Variants in ESR1 observed in about 807,000 individuals in gnomAD.
The protein encoded by ESR1 is estrogen receptor.
A neutral mutation model predicts 52.7 loss-of-function variants in ESR1; 12 were observed. The ratio of observed to expected loss-of-function variants is 0.23; its 90% CI spans 0.15 to 0.37. The LOEUF (loss-of-function observed/expected upper bound fraction) is 0.37. ESR1 is among the 10% of genes least tolerant of loss of function. The pLI, the probability that ESR1 is intolerant of heterozygous loss-of-function variation, is 1.00. For synonymous variants in ESR1, 305 were observed against 316.8 expected, an observed-to-expected ratio of 0.96 and a Z score of 0.39; for missense variants, 584 against 779.7, an observed-to-expected ratio of 0.75 and a Z score of 2.99.
intron 2 of ESR1, among the ~76,000 whole-genome samples, chr6:151,797,380 G>A (rs1776813139): frequency 6.6e-6 from 1 of 152,190 alleles, no homozygotes; most frequent in South Asian, 2.1e-4. Context: ...ATCACATTTT[G>A]CATGAAAGAA....
intron 6 of ESR1, among the ~76,000 whole-genome samples, chr6:152,087,010 T>C (rs1208530311): frequency 6.6e-6 from 1 of 152,230 alleles, no homozygotes; most frequent in Non-Finnish European, 1.5e-5. Context: ...AGTCAGTTCC[T>C]CTGTGCCATA....
At chr6:152,058,925 G>A (rs1213545238) in intron 5 of ESR1, among the ~76,000 whole-genome samples, 1 of 151,970 alleles carries the variant, frequency 6.6e-6, no homozygotes, top group African/African-American at 2.4e-5. Context: ...TTTGGAAAAT[G>A]GAAATAATAA....
chr6:152,105,888 C>T (rs1479388131), downstream of ESR1, among the ~76,000 whole-genome samples: 2 of 143,552 alleles, frequency 1.4e-5, no homozygotes, highest in Non-Finnish European at 1.5e-5. Flanking sequence ...CCCGGGTTCA[C>T]GCCATTCTCC....
intron 2 of ESR1, among the ~76,000 whole-genome samples, chr6:151,753,284 T>C (rs1265775909): frequency 3.3e-5 from 5 of 151,728 alleles, no homozygotes; most frequent in African/African-American, 1.2e-4. Flanking sequence ...TTTATGCAAA[T>C]AGGAAGTTAT....
At chr6:151,717,286 G>A (rs1394448076) in intron 2 of ESR1, among the ~76,000 whole-genome samples, 1 of 152,222 alleles carries the variant, frequency 6.6e-6, no homozygotes, top group Non-Finnish European at 1.5e-5. Flanking sequence ...GCTGCAGACT[G>A]GAGCTGTTCC....
At chr6:151,942,828 G>A (rs548796403) in intron 3 of ESR1, among the ~76,000 whole-genome samples, 3 of 152,162 alleles carry the variant, frequency 2.0e-5, no homozygotes, top group African/African-American at 7.2e-5. Flanking sequence ...TTATCAAAAC[G>A]ATTGCTTCCT....
chr6:151,940,170 G>A (rs927309965), intron 3 of ESR1, among the ~76,000 whole-genome samples: 2 of 152,064 alleles, frequency 1.3e-5, no homozygotes, highest in African/African-American at 2.4e-5. Context: ...TATATGCAAG[G>A]GAACTGCCCT....
rs957973892 is a variant in ESR1 at position 152,029,008 on chromosome 6, G to A, written c.1235+17214G>A. On this transcript the variant is annotated intron_variant, in intron 5 of 7. Coordinates refer to ENST00000206249, the MANE Select transcript of ESR1 (RefSeq NM_000125.4). ...CAATATCCGCTGTTCTGCAGCCTCCGCTGCTGATACCCAGGCAAACAGGGT... is the reference window on the plus strand; with the variant it reads ...CAATATCCGCTGTTCTGCAGCCTCCACTGCTGATACCCAGGCAAACAGGGT... 3.9e-5 allele frequency among the ~76,000 whole-genome samples: 6 copies of A among 152,304 alleles called. No individual in the cohort carries two copies. In the East Asian group the frequency reaches 7.7e-4, roughly 20 times the overall value.
At chr6:151,917,648 G>A (rs1192021055) in intron 3 of ESR1, among the ~76,000 whole-genome samples, 2 of 152,094 alleles carry the variant, frequency 1.3e-5, no homozygotes, top group African/African-American at 4.8e-5. Context: ...GATTTGACAT[G>A]CAGTTAAAGG....
chr6:151,776,389 T>G (rs1023378835), intron 2 of ESR1, among the ~76,000 whole-genome samples: 2 of 152,248 alleles, frequency 1.3e-5, no homozygotes, highest in Non-Finnish European at 2.9e-5. Flanking sequence ...GTCTGTTCTC[T>G]GCCCTTGGTG....
intron 4 of ESR1, among the ~76,000 whole-genome samples, chr6:151,944,951 C>T (rs1022766388): frequency 2.0e-5 from 3 of 152,254 alleles, no homozygotes; most frequent in South Asian, 2.1e-4. Context: ...TGTGGTGGCT[C>T]GTGCCTGTAA....
At chr6:152,023,003 A>G (rs2128824126) in intron 5 of ESR1, among the ~76,000 whole-genome samples, 1 of 151,936 alleles carries the variant, frequency 6.6e-6, no homozygotes, top group East Asian at 1.9e-4. Context: ...AGAGAAAAAG[A>G]AAAAGGATGG....
At chr6:151,824,222 G>A (rs1305794039) in intron 1 of ESR1, among the ~76,000 whole-genome samples, 4 of 151,996 alleles carry the variant, frequency 2.6e-5, no homozygotes, top group Admixed American at 1.3e-4. Context: ...CTGATGGCCA[G>A]TGATGATGAG....
intron 1 of ESR1, among the ~76,000 whole-genome samples, chr6:151,690,857 C>T (rs1200571482): frequency 6.6e-6 from 1 of 152,114 alleles, no homozygotes; most frequent in African/African-American, 2.4e-5. Flanking sequence ...GAAATCTAAA[C>T]TTGGTACAGT....
At chr6:151,850,038 ATATAATTT>A (rs1786145835) in intron 2 of ESR1, among the ~76,000 whole-genome samples, 1 of 112,810 alleles carries the variant, frequency 8.9e-6, no homozygotes, top group East Asian at 2.5e-4. Context: ...TTATATATAT[ATATAATTT>A]TATATATATA....
intron 5 of ESR1, among the ~76,000 whole-genome samples, chr6:152,035,855 C>G (rs534477750): frequency 6.6e-6 from 1 of 151,902 alleles, no homozygotes; most frequent in Non-Finnish European, 1.5e-5. Context: ...CAATTGATAT[C>G]TACATAGAAA....
chr6:152,097,401 G>GAAA (rs747488512), intron 7 of ESR1, among the ~76,000 whole-genome samples: 1 of 139,250 alleles, frequency 7.2e-6, no homozygotes. Context: ...CATTTTAAAT[G>GAAA]AAAAAAAAAA....
intron 2 of ESR1, among the ~76,000 whole-genome samples, chr6:151,751,884 A>G (rs544286981): frequency 6.6e-6 from 1 of 152,358 alleles, no homozygotes; most frequent in East Asian, 1.9e-4. Context: ...AGGGCTCAAA[A>G]CAACATATTC....
At chr6:151,785,037 T>A (rs1045552949) in intron 2 of ESR1, among the ~76,000 whole-genome samples, 1 of 152,236 alleles carries the variant, frequency 6.6e-6, no homozygotes, top group Non-Finnish European at 1.5e-5. Context: ...GTACAATCAG[T>A]TGTCATTTAA....
Sources: gnomAD v4.1 joint callset for allele counts (sites outside exome capture counted in the v4.1 genomes callset) on GRCh38, gnomAD v4.1.1 for gene constraint, MANE v1.5 for transcripts, NCBI Gene and HGNC (gene_info 2026-07-23, HGNC 2026-07-21) for gene names.